Variants in KRIT1 observed in about 807,000 individuals in gnomAD.
KRIT1 encodes KRIT1 ankyrin repeat containing.
A neutral mutation model predicts 95.8 loss-of-function variants in KRIT1; 45 were observed. The observed-to-expected ratio is 0.47, with a 90% confidence interval of 0.37 to 0.60. The LOEUF is 0.60. KRIT1 is among the 20% of genes least tolerant of loss of function. KRIT1 has a pLI of 0.00. For missense variants in KRIT1, 788 were observed against 877.5 expected, an observed-to-expected ratio of 0.90 and a Z score of 1.29; for synonymous variants, 282 against 278.8, an observed-to-expected ratio of 1.01 and a Z score of -0.11.
intron 14 of KRIT1, among the ~76,000 whole-genome samples, chr7:92,216,141 A>G (rs1793932854): frequency 1.3e-5 from 2 of 150,708 alleles, no homozygotes; most frequent in South Asian, 4.3e-4. Context: ...AGGCAGGAGA[A>G]TGGTGTGAAC....
At chr7:92,234,398 T>G (rs753584395) in intron 10 of KRIT1, 51 bp downstream of exon 10, 5 of 1,342,926 alleles carry the variant, frequency 3.7e-6, no homozygotes, top group Middle Eastern at 1.9e-4. Context: ...CTAACATTTA[T>G]AATAAAAAAT....
Position 92,235,548 on chromosome 7 carries a change from T to C in KRIT1, c.584A>G (p.Tyr195Cys). The C allele has an allele frequency of 6.2e-7, 1 of 1,613,972 alleles. No individual in the cohort carries two copies. The highest frequency in any genetic ancestry group is 1.1e-5 in the South Asian group (1 of 91,078). ...RIKTNVINPA[Y>C]ATESGQTENS... The stretch of plus-strand genomic sequence containing the variant: ...TTCTGTCTGACCTGATTCAGTAGCA[T>C]ATGCAGGATTTATGACATTAGTTTT... Residue 195 changes from tyrosine (Y) to cysteine (C), a missense_variant, in exon 8 of 19, where the codon TAT becomes TGT. Tyr to Cys is a radical substitution (Grantham distance 194, BLOSUM62 -2). This residue lies in a region of KRIT1 where 289 missense variants were observed against 277.5 expected (regional missense o/e 1.04). Transcript: ENST00000394505.
At chr7:92,223,836 T>A (rs1333486089) in intron 12 of KRIT1, among the ~76,000 whole-genome samples, 1 of 152,204 alleles carries the variant, frequency 6.6e-6, no homozygotes, top group Admixed American at 6.5e-5. Flanking sequence ...TCTCAATGGA[T>A]TTTTATTGTT....
At chr7:92,237,631 G>C (rs1283620537) in intron 6 of KRIT1, 36 bp downstream of exon 6, 11 of 1,206,318 alleles carry the variant, frequency 9.1e-6, no homozygotes, top group Non-Finnish European at 1.4e-5. Flanking sequence ...AGCATCTAAA[G>C]TATATAAAGA....
At chr7:92,209,917 A>G (rs974788657) in intron 17 of KRIT1, among the ~76,000 whole-genome samples, 9 of 152,020 alleles carry the variant, frequency 5.9e-5, no homozygotes, top group Non-Finnish European at 8.8e-5. Flanking sequence ...ACAAAAGAAA[A>G]AAAAAATTAG....
At chr7:92,235,821 T>C (rs1031337109) in intron 7 of KRIT1, 175 bp from the exon 8 acceptor site, 1 of 576,916 alleles carries the variant, frequency 1.7e-6, no homozygotes, top group Non-Finnish European at 2.9e-6. Context: ...ATATTGCAAA[T>C]TGATTTTTTT....
intron 10 of KRIT1, among the ~76,000 whole-genome samples, chr7:92,233,492 T>C (rs1797768010): frequency 6.6e-6 from 1 of 151,550 alleles, no homozygotes; most frequent in African/African-American, 2.4e-5. Context: ...CTGTAATCTC[T>C]GCCTCCCTGG....
Position 92,234,939 on chromosome 7 carries a change from A to G in KRIT1, c.730-16T>C. On this transcript the variant is annotated splice_polypyrimidine_tract_variant and intron_variant, in intron 8 of 18. Transcript: ENST00000394505. Reference sequence around the variant, plus strand: ...CTTTATCTACCTAGAAAGGGAAAACAATAACAAAAACCCATTAAGAGCTTT... The same window carrying G: ...CTTTATCTACCTAGAAAGGGAAAACGATAACAAAAACCCATTAAGAGCTTT... The G allele has an allele frequency of 1.7e-6, 2 of 1,172,502 alleles. No individual in the cohort carries two copies. The highest frequency in any genetic ancestry group is 2.6e-6 in the Non-Finnish European group (2 of 777,328). The allele number at this position is 1,172,502 out of a possible 1,614,324, so 72.6% of individuals were successfully genotyped here.
In KRIT1 at chr7:92,199,435, T is replaced by C. The variant is rs1385002480; in HGVS notation, c.*1301A>G. The C allele has an allele frequency of 6.6e-6, 1 of 152,234 alleles. No individual in the cohort carries two copies. The highest frequency in any genetic ancestry group is 2.4e-5 in the African/African-American group (1 of 41,466). 9.4% of individuals were successfully genotyped at this position (152,234 alleles called of 1,614,324 possible). Reference sequence around the variant, plus strand: ...AACTTATTTAGAATTCATCAGTTTATTAGTTTGGAAAAACTGTAGTTTCTA... The same window carrying C: ...AACTTATTTAGAATTCATCAGTTTACTAGTTTGGAAAAACTGTAGTTTCTA... On this transcript the variant is annotated 3_prime_UTR_variant, in exon 19 of 19. Transcript: ENST00000394505.
intron 14 of KRIT1, among the ~76,000 whole-genome samples, chr7:92,220,117 C>G (rs1406555614): frequency 3.3e-5 from 5 of 152,122 alleles, no homozygotes; most frequent in Admixed American, 6.5e-5. Context: ...CTTAGGAGGA[C>G]AGTTTTCAGT....
intron 10 of KRIT1, among the ~76,000 whole-genome samples, chr7:92,233,707 T>C (rs1797818687): frequency 6.6e-6 from 1 of 152,104 alleles, no homozygotes; most frequent in Admixed American, 6.6e-5. Flanking sequence ...ACCTGGCCGG[T>C]ACCTCTTAAA....
chr7:92,234,819 G>T lies in KRIT1; in HGVS notation c.834C>A (p.Val278=). The part of the protein sequence containing the change: ...QEKWQRSMSS[V]TEDKERQWVD... ...AACCGAAACAGTACTTGTCTTCTGT[G>T]ACACTGCTCATGCTTCTCTGCCATT... Residue 278 remains valine, a synonymous_variant, in exon 9 of 19, where the codon GTC becomes GTA. Coordinates refer to ENST00000394505, the MANE Select transcript of KRIT1 (RefSeq NM_194454.3). The T allele has an allele frequency of 6.3e-7, 1 of 1,586,480 alleles. No homozygotes were observed. Among genetic ancestry groups the T allele is most frequent in the Non-Finnish European group, 8.7e-7 (1 of 1,154,920 alleles).
At position 92,242,053 on chromosome 7, in the gene KRIT1, T is replaced by C; in HGVS notation, c.83A>G (p.Tyr28Cys). ...TCTTACTTCATATGACTTAGCTCTG[T>C]ATTCCCGAGAATTGAGACTGGCAGT... Reference protein sequence around the residue: ...KNTASLNSREYRAKSYEILLH... With the variant: ...KNTASLNSRECRAKSYEILLH... Residue 28 changes from tyrosine to cysteine, a missense_variant, in exon 4 of 19, where the codon TAC becomes TGC. Transcript: ENST00000394505. 6.5e-7 allele frequency: 1 copy of C among 1,548,470 alleles called. No individual in the cohort carries two copies. The highest frequency in any genetic ancestry group is 8.9e-7 in the Non-Finnish European group (1 of 1,120,614).
chr7:92,213,992 A>G lies in KRIT1; in HGVS notation c.1731-13T>C. The G allele has an allele frequency of 4.0e-6, 6 of 1,492,618 alleles. No individual in the cohort carries two copies. Among genetic ancestry groups the G allele is most frequent in the Non-Finnish European group, 5.6e-6 (6 of 1,069,372 alleles). 92.5% of individuals were successfully genotyped at this position (1,492,618 alleles called of 1,614,324 possible). ...TAGATTTTCTTCACTGTAAGCACAC[A>G]TGCCAACATCCTTTAAATAAATCAT... On this transcript the variant is annotated splice_polypyrimidine_tract_variant and intron_variant, in intron 15 of 18. Transcript: ENST00000394505.
chr7:92,209,220 T>C (rs1008259718), intron 17 of KRIT1, among the ~76,000 whole-genome samples: 3 of 151,408 alleles, frequency 2.0e-5, no homozygotes, highest in Non-Finnish European at 4.4e-5. Context: ...CATACATATA[T>C]GACAAACCCA....
chr7:92,226,664 G>A lies in KRIT1; in HGVS notation c.1008C>T (p.Ala336=). The A allele has an allele frequency of 1.9e-6, 3 of 1,612,720 alleles. No homozygotes were observed. Among genetic ancestry groups the A allele is most frequent in the Non-Finnish European group, 2.5e-6 (3 of 1,179,524 alleles). Residue 336 remains alanine, a synonymous_variant, in exon 11 of 19, where the codon GCC becomes GCT. Transcript: ENST00000394505. ...TTCCTTTCTCTAACAATATGCGAGT[G>A]GCCTCAACTTTTCCATACCTGTATA... is the stretch of plus-strand genomic sequence containing the variant. ...HYACWYGKVE[A]TRILLEKGKC...
chr7:92,201,413 A>G lies in KRIT1; in HGVS notation c.2036T>C (p.Ile679Thr), dbSNP rs757704692. Residue 679 changes from isoleucine to threonine, a missense_variant, in exon 18 of 19, where the codon ATC becomes ACC. Physicochemically the swap from Ile to Thr is moderately conservative, Grantham distance 89. This residue lies in a region of KRIT1 where 493 missense variants were observed against 582.3 expected (regional missense o/e 0.85). Coordinates refer to ENST00000394505, the MANE Select transcript of KRIT1 (RefSeq NM_194454.3). ...CATAAAACAACCATACTTAAGACTGATGAGTAAAGCCTGCAACATAATTGG... is the reference window on the plus strand; with the variant it reads ...CATAAAACAACCATACTTAAGACTGGTGAGTAAAGCCTGCAACATAATTGG... ...LLNMETKALL[I>T]SLKYGCFMWQ... 1 of 1,511,218 alleles carries G rather than the reference A, an allele frequency of 6.6e-7. No individual in the cohort carries two copies. The highest frequency in any genetic ancestry group is 1.1e-5 in the South Asian group (1 of 88,986). The allele number at this position is 1,511,218 out of a possible 1,614,324, so 93.6% of individuals were successfully genotyped here.
chr7:92,225,419 T>C (rs1008168544), intron 12 of KRIT1, among the ~76,000 whole-genome samples: 5 of 152,122 alleles, frequency 3.3e-5, no homozygotes, highest in Non-Finnish European at 4.4e-5. Flanking sequence ...GCAATTCTCC[T>C]GTCTCAGCCT....
Position 92,213,347 on chromosome 7 carries a change from A to T in KRIT1, c.1873T>A (p.Phe625Ile). ...SKEMHHLQRM[F>I]LQNCWEIPTY... is the part of the protein sequence containing the mutation. ...GGAATTTCCCAGCAATTCTGTAAGA[A>T]CATGCGCTGAAGGTGATGCATTTCT... is the stretch of plus-strand genomic sequence containing the variant. The change falls in exon 17 of 19, where the codon TTC becomes ATC. Residue 625 changes from phenylalanine to isoleucine, a missense_variant. By Grantham distance (21) the Phe-to-Ile change is conservative (BLOSUM62 0). Transcript: ENST00000394505. 6.2e-7 allele frequency: 1 copy of T among 1,613,764 alleles called. No individual in the cohort carries two copies. Among genetic ancestry groups the T allele is most frequent in the Non-Finnish European group, 8.5e-7 (1 of 1,179,734 alleles).
Sources: allele counts gnomAD v4.1 joint callset (sites outside exome capture counted in the v4.1 genomes callset), GRCh38; gene constraint gnomAD v4.1.1; regional missense constraint gnomAD v4.1.1; transcripts MANE v1.5; gene names NCBI Gene and HGNC (gene_info 2026-07-23, HGNC 2026-07-21).